Variants in CRYBG1 observed in about 807,000 individuals in gnomAD.
CRYBG1 encodes the protein beta/gamma crystallin domain-containing protein 1.
Under a neutral mutation model 189.2 loss-of-function variants are expected in CRYBG1, and 139 were observed. The ratio of observed to expected loss-of-function variants is 0.73; its 90% CI spans 0.64 to 0.85. CRYBG1 has a LOEUF of 0.85. Ranked by LOEUF, CRYBG1 falls within the 40% of genes least tolerant of loss-of-function variation. The pLI, the probability that CRYBG1 is intolerant of heterozygous loss-of-function variation, is 0.00. For synonymous variants in CRYBG1, 1,023 were observed against 1,017.1 expected (o/e 1.01, Z -0.11); for missense variants, 2,611 against 2,675.8 (o/e 0.98, Z 0.53).
At chr6:106,391,888 C>T (rs1440298196) in intron 1 of CRYBG1, among the ~76,000 whole-genome samples, 1 of 151,910 alleles carries the variant, frequency 6.6e-6, no homozygotes, top group Non-Finnish European at 1.5e-5. Context: ...CTGGCTAGAT[C>T]ACAAAAGTGG....
intron 2 of CRYBG1, among the ~76,000 whole-genome samples, chr6:106,486,125 C>T (rs936334565): frequency 1.8e-4 from 27 of 152,116 alleles, no homozygotes; most frequent in Admixed American, 9.2e-4. Flanking sequence ...GAACTGCTTT[C>T]GTTGTGTCCC....
At chr6:106,457,993 A>G (rs1771923238) in intron 2 of CRYBG1, among the ~76,000 whole-genome samples, 1 of 152,254 alleles carries the variant, frequency 6.6e-6, no homozygotes, top group East Asian at 1.9e-4. Flanking sequence ...ACTAATAATA[A>G]TTACATGTGG....
intron 8 of CRYBG1, among the ~76,000 whole-genome samples, chr6:106,534,169 G>A (rs188962390): frequency 4.7e-4 from 72 of 152,298 alleles, no homozygotes; most frequent in Non-Finnish European, 9.4e-4. Flanking sequence ...GTGTCTGGAA[G>A]GTGCCATGAC....
chr6:106,472,030 G>A (rs7356791), intron 2 of CRYBG1, among the ~76,000 whole-genome samples: 12,713 of 152,180 alleles, frequency 0.084, 691 homozygotes, highest in East Asian at 0.22. Context: ...CTCTCTGAGC[G>A]TTATGCATAT....
intron 13 of CRYBG1, among the ~76,000 whole-genome samples, chr6:106,545,790 T>C (rs552570677): frequency 2.6e-5 from 4 of 152,324 alleles, no homozygotes; most frequent in Admixed American, 1.3e-4. Flanking sequence ...GCGATCCTCC[T>C]GCTTCAGCCT....
At chr6:106,498,928 G>A (rs761107866) in intron 2 of CRYBG1, among the ~76,000 whole-genome samples, 50 of 151,654 alleles carry the variant, frequency 3.3e-4, no homozygotes, top group Non-Finnish European at 5.3e-4. Context: ...CTCAGTGAAA[G>A]GACAATATAC....
intron 9 of CRYBG1, among the ~76,000 whole-genome samples, chr6:106,539,785 C>A (rs1008823274): frequency 6.6e-6 from 1 of 150,986 alleles, no homozygotes; most frequent in African/African-American, 2.4e-5. Context: ...CAGATGGGTG[C>A]GCAAAGCTTC....
At chr6:106,534,801 GT>G (rs1218465782) in intron 8 of CRYBG1, among the ~76,000 whole-genome samples, 3 of 152,048 alleles carry the variant, frequency 2.0e-5, no homozygotes, top group Non-Finnish European at 2.9e-5. Context: ...AGCATATTGG[GT>G]TTTTTGGGGG....
rs1313983187 is a variant in CRYBG1 at position 106,541,576 on chromosome 6, T to C, written c.4846-10T>C. ...AAAAACTATTTTTCTTACTATGTTG[T>C]TTTTTTCAGGGTGGCCGTAAAGTTG... is the stretch of plus-strand genomic sequence containing the variant. On this transcript the variant is annotated splice_polypyrimidine_tract_variant and intron_variant, in intron 9 of 21. Coordinates refer to ENST00000633556, the MANE Select transcript of CRYBG1 (RefSeq NM_001371242.2). 1 of 1,610,912 alleles carries C rather than the reference T, an allele frequency of 6.2e-7. No homozygotes were observed. Among genetic ancestry groups the C allele is most frequent in the Non-Finnish European group, 8.5e-7 (1 of 1,177,490 alleles).
chr6:106,475,354 A>G (rs1772313903), intron 2 of CRYBG1, among the ~76,000 whole-genome samples: 1 of 152,214 alleles, frequency 6.6e-6, no homozygotes, highest in Non-Finnish European at 1.5e-5. Context: ...AAAAGTTAAA[A>G]CAGAACAGCA....
At chr6:106,539,601 T>A in intron 9 of CRYBG1, 72 bp downstream of exon 9, 1 of 1,521,986 alleles carries the variant, frequency 6.6e-7, no homozygotes, top group Non-Finnish European at 8.9e-7. Flanking sequence ...AGGGTGTGAC[T>A]TTGAAGCAAT....
At chr6:106,467,327 C>T (rs1772133389) in intron 2 of CRYBG1, among the ~76,000 whole-genome samples, 1 of 151,934 alleles carries the variant, frequency 6.6e-6, no homozygotes, top group Non-Finnish European at 1.5e-5. Flanking sequence ...AAAAAATTAG[C>T]CTGATGTAGT....
chr6:106,361,975 T>TCTTTC (rs373178193), intron 1 of CRYBG1, among the ~76,000 whole-genome samples: 59 of 129,632 alleles, frequency 4.6e-4, no homozygotes, highest in East Asian at 1.1e-3. Flanking sequence ...CTTTCTTTTT[T>TCTTTC]TTTTTTTTTT....
intron 1 of CRYBG1, among the ~76,000 whole-genome samples, chr6:106,362,850 T>C (rs1422942075): frequency 6.6e-6 from 1 of 152,158 alleles, no homozygotes; most frequent in African/African-American, 2.4e-5. Context: ...TCCATCGTGG[T>C]TTTCCTTTTA....
intron 1 of CRYBG1, chr6:106,451,469 T>C: frequency 2.8e-6 from 1 of 360,976 alleles, no homozygotes; most frequent in South Asian, 8.4e-5. Flanking sequence ...CTGCATAGGA[T>C]TTAAAAGAAT....
Position 106,508,917 on chromosome 6 carries a change from C to CAA in CRYBG1, c.313-2495_313-2494dup, listed in dbSNP as rs67365041. ...AGTTTTGTAAAAAGCATCTAATAGC[C>CAA]AAAAAAAAAAAAAAAAAAATTGTTT... On this transcript the variant is annotated intron_variant, in intron 2 of 21. Coordinates refer to ENST00000633556, the MANE Select transcript of CRYBG1 (RefSeq NM_001371242.2). Among the ~76,000 whole-genome samples the CAA allele has an allele frequency of 1.8e-4, 26 of 143,222 alleles. No homozygotes were observed. In the East Asian group the frequency reaches 1.8e-3, roughly 10 times the overall value. The allele number at this position is 143,222 out of a possible 152,430, so 94.0% of individuals were successfully genotyped here. A position where few individuals can be genotyped will look rare whatever the true frequency, so the allele number is the denominator to read the frequency against.
At chr6:106,499,113 T>G (rs1772924004) in intron 2 of CRYBG1, among the ~76,000 whole-genome samples, 1 of 150,398 alleles carries the variant, frequency 6.6e-6, no homozygotes, top group African/African-American at 2.4e-5. Context: ...CATTTTTTTT[T>G]GTTTGTGTGT....
At chr6:106,503,285 G>T (rs1379330189) in intron 2 of CRYBG1, among the ~76,000 whole-genome samples, 1 of 152,280 alleles carries the variant, frequency 6.6e-6, no homozygotes, top group East Asian at 1.9e-4. Context: ...GGCTGAGGGA[G>T]GGTGAGCCTA....
At chr6:106,499,719 T>C (rs934549998) in intron 2 of CRYBG1, among the ~76,000 whole-genome samples, 10 of 152,180 alleles carry the variant, frequency 6.6e-5, no homozygotes. Flanking sequence ...TTAAAATATG[T>C]AATACATTAG....
Sources: gnomAD v4.1 joint callset for allele counts (sites outside exome capture counted in the v4.1 genomes callset) on GRCh38, gnomAD v4.1.1 for gene constraint, MANE v1.5 for transcripts, NCBI Gene and HGNC (gene_info 2026-07-23, HGNC 2026-07-21) for gene names.